The following ADORA2B variants were observed in gnomAD, a reference collection of about 807,000 sequenced individuals.
The protein encoded by ADORA2B is adenosine A2b receptor.
ADORA2B carries 18 observed loss-of-function variants against 20.8 expected under a neutral mutation model. The observed-to-expected ratio is 0.87, with a 90% confidence interval of 0.60 to 1.29. The LOEUF (loss-of-function observed/expected upper bound fraction) is 1.29, where lower values mean the gene tolerates loss of function less well. Ranked by LOEUF, ADORA2B falls within the 50% of genes most tolerant of loss-of-function variation. The pLI, the probability that ADORA2B is intolerant of heterozygous loss-of-function variation, is 0.00. For missense variants in ADORA2B, 441 were observed against 422.7 expected (o/e 1.04, Z -0.38); for synonymous variants, 179 against 178.3 (o/e 1.00, Z -0.03).
chr17:15,891,687 C>CT, the ADORA2B span, among the ~76,000 whole-genome samples: 8,334 of 147,146 alleles, frequency 0.057, 595 homozygotes, highest in African/African-American at 0.16. Flanking sequence ...CACTTTCTCT[C>CT]TTTTTTTTTT....
At chr17:15,906,780 T>C in the ADORA2B span, among the ~76,000 whole-genome samples, 5 of 152,242 alleles carry the variant, frequency 3.3e-5, no homozygotes, top group African/African-American at 1.2e-4. Context: ...TCATGCATTA[T>C]AAGATTATTC....
intron 1 of ADORA2B, among the ~76,000 whole-genome samples, chr17:15,963,859 T>C (rs1307078398): frequency 6.6e-6 from 1 of 152,178 alleles, no homozygotes; most frequent in African/African-American, 2.4e-5. Context: ...GAAGGACAAA[T>C]GGCATCTCTC....
At chr17:15,969,888 C>T (rs931864370) in intron 1 of ADORA2B, among the ~76,000 whole-genome samples, 1 of 152,180 alleles carries the variant, frequency 6.6e-6, no homozygotes, top group African/African-American at 2.4e-5. Context: ...TCCATGGGTC[C>T]CGGTGCCTAT....
the ADORA2B span, among the ~76,000 whole-genome samples, chr17:15,937,409 C>G: frequency 6.6e-6 from 1 of 152,158 alleles, no homozygotes; most frequent in South Asian, 2.1e-4. Context: ...TTGGGGTACA[C>G]TTTCACCATT....
the ADORA2B span, among the ~76,000 whole-genome samples, chr17:15,888,658 C>T: frequency 2.5e-5 from 3 of 121,628 alleles, 1 homozygote; most frequent in Non-Finnish European, 5.1e-5. Flanking sequence ...CATCTTGCTT[C>T]TGTCATTTAC....
At chr17:15,850,958 A>G in the ADORA2B span, among the ~76,000 whole-genome samples, 1 of 152,230 alleles carries the variant, frequency 6.6e-6, no homozygotes, top group African/African-American at 2.4e-5. Context: ...ATAGAAGCTC[A>G]ACAAATATTT....
the ADORA2B span, among the ~76,000 whole-genome samples, chr17:15,913,565 A>G: frequency 2.6e-4 from 40 of 152,188 alleles, 1 homozygote; most frequent in Admixed American, 2.6e-3. Context: ...CTCTGCTACT[A>G]TCACTTATGG....
upstream of ADORA2B, among the ~76,000 whole-genome samples, chr17:15,940,559 C>T (rs1040003077): frequency 7.2e-5 from 11 of 152,180 alleles, no homozygotes; most frequent in African/African-American, 2.7e-4. Flanking sequence ...ATGTACAAGC[C>T]AGTGAGGCCT....
chr17:15,896,439 CA>C, the ADORA2B span, among the ~76,000 whole-genome samples: 1 of 152,052 alleles, frequency 6.6e-6, no homozygotes, highest in Non-Finnish European at 1.5e-5. Context: ...ATTAAAACCA[CA>C]ATGAGATGTG....
chr17:15,852,290 A>G, the ADORA2B span, among the ~76,000 whole-genome samples: 2 of 152,188 alleles, frequency 1.3e-5, no homozygotes, highest in African/African-American at 4.8e-5. Flanking sequence ...AGATTATGAA[A>G]ATATTCTTCC....
chr17:15,852,680 A>C, the ADORA2B span, among the ~76,000 whole-genome samples: 1 of 152,238 alleles, frequency 6.6e-6, no homozygotes, highest in Non-Finnish European at 1.5e-5. Context: ...TCTATAAAAA[A>C]GAATCCATTA....
chr17:15,971,961 G>A (rs923386051), intron 1 of ADORA2B, among the ~76,000 whole-genome samples: 5 of 152,092 alleles, frequency 3.3e-5, no homozygotes, highest in African/African-American at 1.2e-4. Flanking sequence ...AACATACTAT[G>A]TGCTGGGAAC....
At chr17:15,859,828 T>G in the ADORA2B span, among the ~76,000 whole-genome samples, 2 of 152,210 alleles carry the variant, frequency 1.3e-5, no homozygotes, top group Non-Finnish European at 2.9e-5. Flanking sequence ...TCAGTCTATT[T>G]CATTATCTGT....
chr17:15,942,215 T>C (rs1006351561), upstream of ADORA2B, among the ~76,000 whole-genome samples: 2 of 152,204 alleles, frequency 1.3e-5, no homozygotes, highest in African/African-American at 4.8e-5. Flanking sequence ...GAGCAGTTTC[T>C]GATGAATGGT....
At chr17:15,931,611 C>T in the ADORA2B span, among the ~76,000 whole-genome samples, 1 of 152,074 alleles carries the variant, frequency 6.6e-6, no homozygotes, top group Non-Finnish European at 1.5e-5. Flanking sequence ...TCATCTGCAG[C>T]CTCAGCCACT....
At chr17:15,919,688 A>G in the ADORA2B span, among the ~76,000 whole-genome samples, 17 of 152,100 alleles carry the variant, frequency 1.1e-4, no homozygotes, top group African/African-American at 3.9e-4. Flanking sequence ...TCCTGAGGTC[A>G]GGAGACAGCC....
chr17:15,909,376 A>T, the ADORA2B span, among the ~76,000 whole-genome samples: 5 of 152,228 alleles, frequency 3.3e-5, no homozygotes, highest in African/African-American at 7.2e-5. Flanking sequence ...CAATGTTAAC[A>T]CCTAGAACTT....
upstream of ADORA2B, among the ~76,000 whole-genome samples, chr17:15,942,126 C>T (rs879802003): frequency 2.2e-4 from 34 of 152,086 alleles, no homozygotes; most frequent in African/African-American, 7.7e-4. Flanking sequence ...TGGGTGCTAT[C>T]GTTTGGAAAT....
chr17:15,959,237 A>C (rs1970006680), intron 1 of ADORA2B, among the ~76,000 whole-genome samples: 1 of 152,222 alleles, frequency 6.6e-6, no homozygotes, highest in Non-Finnish European at 1.5e-5. Flanking sequence ...TTAGCAACCT[A>C]GTCTTTTAAT....
Sources: gnomAD v4.1 joint callset for allele counts (sites outside exome capture counted in the v4.1 genomes callset) on GRCh38, gnomAD v4.1.1 for gene constraint, MANE v1.5 for transcripts, NCBI Gene and HGNC (gene_info 2026-07-23, HGNC 2026-07-21) for gene names.